GALNT10: variants seen among roughly 807,000 people sequenced by gnomAD.
GALNT10 encodes polypeptide N-acetylgalactosaminyltransferase 10, also known as GalNAc transferase 10.
Under a neutral mutation model 75.0 loss-of-function variants are expected in GALNT10, and 41 were observed. That is an observed-to-expected ratio of 0.55 (90% CI 0.43 to 0.71). The LOEUF is 0.71. GALNT10 is among the 30% of genes least tolerant of loss of function. The pLI is 0.00. For synonymous variants in GALNT10, 302 were observed against 313.0 expected, an observed-to-expected ratio of 0.96 and a Z score of 0.37; for missense variants, 727 against 818.5, an observed-to-expected ratio of 0.89 and a Z score of 1.36.
intron 3 of GALNT10, among the ~76,000 whole-genome samples, chr5:154,322,692 A>C (rs889032): frequency 6.6e-6 from 1 of 151,860 alleles, no homozygotes. Context: ...GGCCTGGGAA[A>C]ATTCCCTATC....
intron 3 of GALNT10, among the ~76,000 whole-genome samples, chr5:154,318,567 A>G (rs1404431127): frequency 6.6e-6 from 1 of 152,310 alleles, no homozygotes; most frequent in East Asian, 1.9e-4. Flanking sequence ...TGAGAATTAT[A>G]TTCCCTACAT....
chr5:154,190,918 G>A lies in GALNT10; in HGVS notation c.52G>A (p.Ala18Thr), dbSNP rs1192917283. Reference sequence around the variant, plus strand: ...GCAGGCGGTGGCGCTGGTGCTGGCGGCCCTGGTCCTCCTGCCCAACGTGGG... The same window carrying A: ...GCAGGCGGTGGCGCTGGTGCTGGCGACCCTGGTCCTCCTGCCCAACGTGGG... Reference protein sequence around the residue: ...LLQAVALVLAALVLLPNVGLW... With the variant: ...LLQAVALVLATLVLLPNVGLW... The change falls in exon 1 of 12, where the codon GCC becomes ACC. Residue 18 changes from alanine (A) to threonine (T), a missense_variant. Transcript: ENST00000297107. 3 of 1,497,648 alleles carry A rather than the reference G, an allele frequency of 2.0e-6. No individual in the cohort carries two copies. The highest frequency in any genetic ancestry group is 2.7e-5 in the East Asian group (1 of 37,626). The allele number at this position is 1,497,648 out of a possible 1,614,324, so 92.8% of individuals were successfully genotyped here. A position where few individuals can be genotyped will look rare whatever the true frequency, so the allele number is the denominator to read the frequency against.
At chr5:154,327,222 A>ATAAAG (rs1230633254) in intron 3 of GALNT10, among the ~76,000 whole-genome samples, 1 of 148,232 alleles carries the variant, frequency 6.7e-6, no homozygotes, top group African/African-American at 2.6e-5. Flanking sequence ...TCTCAAAAAA[A>ATAAAG]TAAAAAATAA....
At chr5:154,216,880 C>A (rs150632914) in intron 1 of GALNT10, among the ~76,000 whole-genome samples, 1 of 152,206 alleles carries the variant, frequency 6.6e-6, no homozygotes, top group East Asian at 1.9e-4. Flanking sequence ...GTGAGTAGAC[C>A]CTGGCAGCTT....
At chr5:154,381,463 T>C (rs1471727819) in intron 6 of GALNT10, among the ~76,000 whole-genome samples, 3 of 152,216 alleles carry the variant, frequency 2.0e-5, no homozygotes, top group Non-Finnish European at 4.4e-5. Flanking sequence ...CTGCGACACG[T>C]GTGGAAAAGA....
At chr5:154,357,470 T>C (rs1267519911) in intron 4 of GALNT10, among the ~76,000 whole-genome samples, 2 of 152,188 alleles carry the variant, frequency 1.3e-5, no homozygotes, top group Admixed American at 6.5e-5. Context: ...CTTAGAGAAC[T>C]CCATTTGGTG....
intron 1 of GALNT10, among the ~76,000 whole-genome samples, chr5:154,225,937 A>C (rs113740076): frequency 6.6e-6 from 1 of 151,922 alleles, no homozygotes; most frequent in African/African-American, 2.4e-5. Flanking sequence ...GAACAATGAG[A>C]ACACTTGGAC....
At chr5:154,293,895 C>G (rs185849631) in intron 1 of GALNT10, among the ~76,000 whole-genome samples, 1 of 152,226 alleles carries the variant, frequency 6.6e-6, no homozygotes, top group East Asian at 1.9e-4. Flanking sequence ...AAACATTCTC[C>G]ATTTCTCCCC....
chr5:154,339,508 T>TAA (rs376917544), intron 4 of GALNT10, among the ~76,000 whole-genome samples: 7 of 140,152 alleles, frequency 5.0e-5, no homozygotes, highest in Non-Finnish European at 1.6e-5. Context: ...TTGTGCATCT[T>TAA]AAAAAAAAAA....
chr5:154,239,915 A>T (rs1475270144), intron 1 of GALNT10, among the ~76,000 whole-genome samples: 1 of 152,168 alleles, frequency 6.6e-6, no homozygotes, highest in East Asian at 1.9e-4. Flanking sequence ...TTAGTGAGTG[A>T]GTGTTTTGTT....
intron 1 of GALNT10, among the ~76,000 whole-genome samples, chr5:154,251,289 C>A (rs532174497): frequency 6.6e-6 from 1 of 152,132 alleles, no homozygotes; most frequent in South Asian, 2.1e-4. Context: ...CGAATGTGTA[C>A]CCATATTAGT....
intron 8 of GALNT10, among the ~76,000 whole-genome samples, chr5:154,404,607 T>G (rs912561353): frequency 6.6e-6 from 1 of 152,242 alleles, no homozygotes; most frequent in African/African-American, 2.4e-5. Flanking sequence ...TAAATTAATG[T>G]GTATTCGTGT....
intron 1 of GALNT10, among the ~76,000 whole-genome samples, chr5:154,271,327 G>A (rs1171378089): frequency 2.0e-4 from 30 of 152,102 alleles, no homozygotes; most frequent in Non-Finnish European, 2.4e-4. Flanking sequence ...ATTAGCCAGC[G>A]TGGTGGCGGG....
chr5:154,301,243 A>G (rs1754352846), intron 3 of GALNT10, among the ~76,000 whole-genome samples: 1 of 152,194 alleles, frequency 6.6e-6, no homozygotes, highest in East Asian at 1.9e-4. Flanking sequence ...AATGTAGGCA[A>G]CAAAGCCCTG....
chr5:154,215,083 G>A (rs1249228612), intron 1 of GALNT10, among the ~76,000 whole-genome samples: 1 of 152,204 alleles, frequency 6.6e-6, no homozygotes, highest in African/African-American at 2.4e-5. Context: ...TTTTAAAAGG[G>A]TTGCCTTTAT....
rs1756427905 is a variant in GALNT10, at chr5:154,412,862, T to C, written c.1387-27T>C. On this transcript the variant is annotated intron_variant, in intron 9 of 11. Transcript: ENST00000297107. The surrounding 1 kb of genome is among the most constrained non-coding windows in gnomAD (Gnocchi z 4.2). Reference sequence around the variant, plus strand: ...TGGGCACCTTAAGGCACCTCAGTGGTCCACTTCTTCCCTCTTTCCCTTTCA... The same window carrying C: ...TGGGCACCTTAAGGCACCTCAGTGGCCCACTTCTTCCCTCTTTCCCTTTCA... 3 of 1,518,202 alleles carry C rather than the reference T, an allele frequency of 2.0e-6. No homozygotes were observed. The highest frequency in any genetic ancestry group is 1.8e-6 in the Non-Finnish European group (2 of 1,093,026). 94.0% of individuals were successfully genotyped at this position (1,518,202 alleles called of 1,614,324 possible).
chr5:154,293,594 G>GATATATATATATATATATATAT (rs754824803), intron 1 of GALNT10, among the ~76,000 whole-genome samples: 1 of 140,726 alleles, frequency 7.1e-6, no homozygotes, highest in African/African-American at 2.9e-5. Context: ...TCTTGGGGCT[G>GATATATATATATATATATATAT]ATATATATAT....
chr5:154,368,493 T>A (rs1455169235), intron 4 of GALNT10, among the ~76,000 whole-genome samples: 1 of 152,144 alleles, frequency 6.6e-6, no homozygotes. Context: ...AAAAAAGAAA[T>A]GGCCGGCTTT....
In GALNT10 at chr5:154,402,155, C is replaced by T. The variant is rs950814206; in HGVS notation, c.1057-1949C>T. On this transcript the variant is annotated intron_variant, in intron 7 of 11. Transcript: ENST00000297107. This position sits in a 1 kb window ranked among gnomAD's most constrained non-coding sequence, Gnocchi z 4.2. ...ATTGTGTGTCTCCCTCACTGAAGAC[C>T]TTCTGTGAAGACTCCTTGTTCTGCC... Among the ~76,000 whole-genome samples, 1 of 152,212 alleles carries T rather than the reference C, an allele frequency of 6.6e-6. No homozygotes were observed. The highest frequency in any genetic ancestry group is 2.4e-5 in the African/African-American group (1 of 41,466).
Sources: gnomAD v4.1 joint callset for allele counts (sites outside exome capture counted in the v4.1 genomes callset) on GRCh38, gnomAD v4.1.1 for gene constraint, Gnocchi (gnomAD v3.1) non-coding constraint, MANE v1.5 for transcripts, NCBI Gene and HGNC (gene_info 2026-07-23, HGNC 2026-07-21) for gene names.